The following ITCH variants were observed in gnomAD, a reference collection of about 807,000 sequenced individuals.
ITCH encodes the protein E3 ubiquitin-protein ligase Itchy homolog.
A neutral mutation model predicts 126.8 loss-of-function variants in ITCH; 28 were observed. The ratio of observed to expected loss-of-function variants is 0.22; its 90% CI spans 0.16 to 0.30. ITCH has a LOEUF of 0.30. ITCH is among the 10% of genes least tolerant of loss of function. ITCH has a pLI of 1.00. For missense variants in ITCH, 631 were observed against 1,032.4 expected, an observed-to-expected ratio of 0.61 and a Z score of 5.33; for synonymous variants, 342 against 340.0, an observed-to-expected ratio of 1.01 and a Z score of -0.06.
At chr20:34,417,889 A>G (rs1980165144) in intron 6 of ITCH, among the ~76,000 whole-genome samples, 1 of 151,644 alleles carries the variant, frequency 6.6e-6, no homozygotes, top group South Asian at 2.1e-4. Flanking sequence ...ACCTCTAACA[A>G]GAAACACAGA....
In ITCH at chr20:34,433,829, T is replaced by C. The variant is rs570539319; in HGVS notation, c.522-4645T>C. 2.0e-5 allele frequency among the ~76,000 whole-genome samples: 3 copies of C among 152,084 alleles called. No individual in the cohort carries two copies. In the East Asian group the frequency reaches 5.8e-4, roughly 29 times the overall value. ...AAACCCACCCAGAATATGAAACCAT[T>C]ATACAGTGTGTGATTGCAGTCACAT... On this transcript the variant is annotated intron_variant, in intron 7 of 24. Transcript: ENST00000374864.
chr20:34,408,793 G>GT lies in ITCH; in HGVS notation c.212+2dup. The GT allele has an allele frequency of 6.2e-7, 1 of 1,613,698 alleles. No homozygotes were observed. Among genetic ancestry groups the GT allele is most frequent in the Non-Finnish European group, 8.5e-7 (1 of 1,179,794 alleles). Reference sequence around the variant, plus strand: ...CCAAGTGGAAGCAACCCCTTACAGTGTAAGCTTGGAAGTATTTTTCTGTAG... The same window carrying GT: ...CCAAGTGGAAGCAACCCCTTACAGTGTTAAGCTTGGAAGTATTTTTCTGTAG... On this transcript the variant is annotated splice_donor_variant, in intron 4 of 24. Transcript: ENST00000374864. LOFTEE classifies it high-confidence loss of function.
chr20:34,401,728 G>T lies in ITCH; in HGVS notation c.71-6923G>T, dbSNP rs75379672. ...GTTAATGAATTAAAAAAAAAAAAAA[G>T]ACTGAAAAACAAACCTCCCCCCTAA... is the stretch of plus-strand genomic sequence containing the variant. On this transcript the variant is annotated intron_variant, in intron 3 of 24. Coordinates refer to ENST00000374864, the MANE Select transcript of ITCH (RefSeq NM_031483.7). 1,731 of 568,068 alleles carry T rather than the reference G, an allele frequency of 3.0e-3. 17 individuals carry two copies. In the South Asian group the frequency reaches 0.039, roughly 13 times the overall value. The allele number at this position is 568,068 out of a possible 1,614,324, so 35.2% of individuals were successfully genotyped here. A position where few individuals can be genotyped will look rare whatever the true frequency, so the allele number is the denominator to read the frequency against.
At chr20:34,419,485 CTT>C (rs1192397617) in intron 6 of ITCH, among the ~76,000 whole-genome samples, 13 of 141,012 alleles carry the variant, frequency 9.2e-5, no homozygotes, top group Non-Finnish European at 1.2e-4. Flanking sequence ...TCAGTGTTGC[CTT>C]TTTTTTTTTT....
chr20:34,496,577 G>C (rs1378082949), intron 23 of ITCH, among the ~76,000 whole-genome samples: 1 of 151,974 alleles, frequency 6.6e-6, no homozygotes, highest in African/African-American at 2.4e-5. Context: ...AGGCCGAGAC[G>C]GGTGGATCAC....
intron 13 of ITCH, among the ~76,000 whole-genome samples, chr20:34,461,395 C>T (rs995696119): frequency 5.9e-5 from 9 of 151,986 alleles, no homozygotes; most frequent in South Asian, 2.1e-4. Context: ...ATAAGGAAAA[C>T]GAGTTAGGTG....
At chr20:34,419,780 G>T (rs751228436) in intron 6 of ITCH, among the ~76,000 whole-genome samples, 1 of 152,036 alleles carries the variant, frequency 6.6e-6, no homozygotes, top group South Asian at 2.1e-4. Context: ...TTAGCCTCCC[G>T]AGTAGCTGGG....
At chr20:34,473,054 A>AGCTGT in intron 16 of ITCH, among the ~76,000 whole-genome samples, 1 of 152,344 alleles carries the variant, frequency 6.6e-6, no homozygotes, top group East Asian at 1.9e-4. Flanking sequence ...TGGTTCTAAA[A>AGCTGT]CAGTTTTTAA....
intron 10 of ITCH, among the ~76,000 whole-genome samples, chr20:34,442,788 G>T (rs1210555722): frequency 1.3e-5 from 2 of 150,756 alleles, no homozygotes; most frequent in Non-Finnish European, 3.0e-5. Flanking sequence ...CCTGGCTAAC[G>T]TGGTGAAACC....
At chr20:34,499,655 A>G (rs943307970) in intron 23 of ITCH, among the ~76,000 whole-genome samples, 2 of 148,964 alleles carry the variant, frequency 1.3e-5, no homozygotes, top group African/African-American at 2.5e-5. Context: ...CATTTCATCT[A>G]TCTTTTGTCT....
chr20:34,365,338 A>G lies in ITCH; in HGVS notation c.-99+1989A>G, dbSNP rs77261421. On this transcript the variant is annotated intron_variant, in intron 1 of 24. Transcript: ENST00000374864. ...TCAAGTCACCAAGGATATCATATGA[A>G]ATTAAAAAAATGAGTACAGACTACT... Among the ~76,000 whole-genome samples, 922 of 152,334 alleles carry G rather than the reference A, an allele frequency of 6.1e-3. 27 individuals carry two copies. The highest frequency in any genetic ancestry group is 0.05 in the East Asian group (259 of 5,192).
rs2146279955 is a variant in ITCH, at chr20:34,438,595, C to A, written c.643C>A (p.Pro215Thr). ...GGFKPSRPPRPSRPPPPTPRR... is the reference protein window; with the variant it reads ...GGFKPSRPPRTSRPPPPTPRR... Reference sequence around the variant, plus strand: ...TTTTAAACCTTCTAGACCTCCAAGACCTTCACGACCACCACCACCCACCCC... The same window carrying A: ...TTTTAAACCTTCTAGACCTCCAAGAACTTCACGACCACCACCACCCACCCC... The change falls in exon 8 of 25, where the codon CCT becomes ACT. Residue 215 changes from proline to threonine, a missense_variant. Physicochemically the swap from Pro to Thr is conservative, Grantham distance 38. Coordinates refer to ENST00000374864, the MANE Select transcript of ITCH (RefSeq NM_031483.7). 1 of 1,614,022 alleles carries A rather than the reference C, an allele frequency of 6.2e-7. No individual in the cohort carries two copies. The highest frequency in any genetic ancestry group is 2.2e-5 in the East Asian group (1 of 44,872).
At chr20:34,380,891 G>A (rs2038035549) in intron 2 of ITCH, among the ~76,000 whole-genome samples, 1 of 151,700 alleles carries the variant, frequency 6.6e-6, no homozygotes, top group Non-Finnish European at 1.5e-5. Context: ...GGGTTCAGGA[G>A]ATTCTCCTGC....
At chr20:34,466,234 G>A in intron 14 of ITCH, 3 of 380,290 alleles carry the variant, frequency 7.9e-6, no homozygotes, top group Non-Finnish European at 1.6e-5. Flanking sequence ...TTTTTCATAG[G>A]TTGAACCTTT....
intron 3 of ITCH, among the ~76,000 whole-genome samples, chr20:34,405,331 C>G (rs1203236909): frequency 6.6e-6 from 1 of 151,986 alleles, no homozygotes; most frequent in Non-Finnish European, 1.5e-5. Flanking sequence ...ATGGTGAAAC[C>G]CCGTTTCTAC....
chr20:34,445,297 C>T lies in ITCH; in HGVS notation c.976C>T (p.Arg326Trp), dbSNP rs1443603080. 5 of 1,587,186 alleles carry T rather than the reference C, an allele frequency of 3.2e-6. No individual in the cohort carries two copies. The highest frequency in any genetic ancestry group is 2.2e-5 in the South Asian group (2 of 89,752). ...PEPLPPGWER[R>W]VDNMGRIYYV... ...TTTTTTCTGATTTAGCTGGGAACGGCGGGTTGACAACATGGGACGTATTTA... is the reference window on the plus strand; with the variant it reads ...TTTTTTCTGATTTAGCTGGGAACGGTGGGTTGACAACATGGGACGTATTTA... Residue 326 changes from arginine (R) to tryptophan (W), a missense_variant, in exon 11 of 25, where the codon CGG becomes TGG. Transcript: ENST00000374864.
At chr20:34,416,322 C>A (rs1449210441) in intron 6 of ITCH, among the ~76,000 whole-genome samples, 1 of 152,204 alleles carries the variant, frequency 6.6e-6, no homozygotes, top group South Asian at 2.1e-4. Context: ...CACTTGAACC[C>A]GGGAGTTAGA....
intron 14 of ITCH, among the ~76,000 whole-genome samples, chr20:34,465,527 T>C (rs370352254): frequency 7.9e-4 from 121 of 152,338 alleles, no homozygotes; most frequent in African/African-American, 2.8e-3. Context: ...TGTGGTCATC[T>C]TAACAATATT....
chr20:34,469,931 G>A (rs1795250725), intron 14 of ITCH, 117 bp from the exon 15 acceptor site: 5 of 793,112 alleles, frequency 6.3e-6, no homozygotes, highest in Middle Eastern at 2.2e-4. Flanking sequence ...TTAGGAATAT[G>A]CTATATTTTT....
Sources: gnomAD v4.1 joint callset for allele counts (sites outside exome capture counted in the v4.1 genomes callset) on GRCh38, gnomAD v4.1.1 for gene constraint, MANE v1.5 for transcripts, NCBI Gene and HGNC (gene_info 2026-07-23, HGNC 2026-07-21) for gene names.